The following TG variants were observed in gnomAD, a reference collection of about 807,000 sequenced individuals.
The protein encoded by TG is thyroglobulin, also known as thyroid hormones.
A neutral mutation model predicts 324.7 loss-of-function variants in TG; 270 were observed. The ratio of observed to expected loss-of-function variants is 0.83; its 90% confidence interval spans 0.75 to 0.92. TG has a LOEUF of 0.92. Among genes scored for constraint, TG ranks in the 40% least tolerant of loss-of-function variants. The pLI is 0.00. For synonymous variants in TG, 1,401 were observed against 1,327.0 expected (o/e 1.06, Z -1.21); for missense variants, 3,591 against 3,456.4 (o/e 1.04, Z -0.98).
rs575150194 is a variant in TG, at chr8:133,105,366, G to A, written c.7573-8056G>A. Among the ~76,000 whole-genome samples, 4 of 152,286 alleles carry A rather than the reference G, an allele frequency of 2.6e-5. No homozygotes were observed. The South Asian group carries it at 8.3e-4, about 32-fold the overall frequency. ...GGGTGGACCGGAGGTGGGGGCAGGTGTCACTCAGGATGAAGATCGTAGGCA... is the reference window on the plus strand; with the variant it reads ...GGGTGGACCGGAGGTGGGGGCAGGTATCACTCAGGATGAAGATCGTAGGCA... On this transcript the variant is annotated intron_variant, in intron 43 of 47. Coordinates refer to ENST00000220616, the MANE Select transcript of TG (RefSeq NM_003235.5).
intron 35 of TG, among the ~76,000 whole-genome samples, chr8:132,990,962 G>T (rs1349752499): frequency 6.6e-6 from 1 of 150,900 alleles, no homozygotes; most frequent in Non-Finnish European, 1.5e-5. Flanking sequence ...ACCAACAGGG[G>T]TGTTAGGAGG....
At chr8:133,131,462 TAGA>T (rs1399928400) in intron 45 of TG, among the ~76,000 whole-genome samples, 4 of 152,246 alleles carry the variant, frequency 2.6e-5, no homozygotes, top group African/African-American at 9.6e-5. Flanking sequence ...TTTCAGTGAC[TAGA>T]AGAACACCAA....
chr8:132,969,910 C>CAAAAAAAAAAA (rs11335158), intron 32 of TG, among the ~76,000 whole-genome samples: 2 of 58,048 alleles, frequency 3.4e-5, no homozygotes, highest in Non-Finnish European at 6.2e-5. Context: ...GAGACTCTGT[C>CAAAAAAAAAAA]AAAAAAAAAA....
chr8:133,011,855 C>A, intron 35 of TG, 46 bp from the exon 36 acceptor site: 1 of 1,613,768 alleles, frequency 6.2e-7, no homozygotes, highest in Non-Finnish European at 8.5e-7. Flanking sequence ...CTTTGTTACT[C>A]ACCAGGTGAC....
chr8:133,020,573 C>T (rs1835471053), intron 39 of TG, among the ~76,000 whole-genome samples: 1 of 152,130 alleles, frequency 6.6e-6, no homozygotes, highest in South Asian at 2.1e-4. Context: ...GAACTCAAGA[C>T]CACTCAGGCT....
At position 133,013,642 on chromosome 8, in the gene TG, C is replaced by G. The variant is rs1233716260; in HGVS notation, c.6440C>G (p.Thr2147Ser). The G allele has an allele frequency of 1.2e-6, 2 of 1,614,104 alleles. No individual in the cohort carries two copies. Among genetic ancestry groups the G allele is most frequent in the African/African-American group, 2.7e-5 (2 of 74,942 alleles). ...GCCTGTCTCATCACCACTCTGCAAA[C>G]CCAACCTGGGGCTGTGAGATGTATG... ...HEACLITTLQ[T>S]QPGAVRCMFY... Residue 2147 changes from threonine to serine, a missense_variant, in exon 37 of 48, where the codon ACC (threonine) becomes AGC (serine). By Grantham distance (58) the Thr-to-Ser change is moderately conservative. Transcript: ENST00000220616.
At position 132,919,457 on chromosome 8, in the gene TG, G is replaced by A; in HGVS notation, c.4460G>A (p.Ser1487Asn). ...PVGFYQEQAGSLACVPCPVGR... is the reference protein window; with the variant it reads ...PVGFYQEQAGNLACVPCPVGR... ...GGATTCTACCAAGAACAGGCAGGGA[G>A]CTTGGCCTGTGTCCCATGTCCTGTG... The change falls in exon 21 of 48, where the codon AGC (serine) becomes AAC (asparagine). Residue 1487 changes from serine (S) to asparagine (N), a missense_variant. Transcript: ENST00000220616. 1 of 1,614,156 alleles carries A rather than the reference G, an allele frequency of 6.2e-7. No homozygotes were observed. The highest frequency in any genetic ancestry group is 2.2e-5 in the East Asian group (1 of 44,892).
intron 23 of TG, among the ~76,000 whole-genome samples, chr8:132,930,661 G>A (rs1280970872): frequency 6.7e-6 from 1 of 150,036 alleles, no homozygotes; most frequent in Non-Finnish European, 1.5e-5. Flanking sequence ...CTCCAGCCTG[G>A]GCATCAAGAG....
chr8:132,901,055 G>C (rs916595372), intron 15 of TG, among the ~76,000 whole-genome samples: 9 of 152,166 alleles, frequency 5.9e-5, no homozygotes, highest in African/African-American at 1.9e-4. Context: ...CTCCTACACT[G>C]CACTATTGTT....
In TG at chr8:132,886,796, A is replaced by G. The variant is rs1815488220; in HGVS notation, c.1424A>G (p.Lys475Arg). 1 of 1,614,074 alleles carries G rather than the reference A, an allele frequency of 6.2e-7. No homozygotes were observed. Among genetic ancestry groups the G allele is most frequent in the Non-Finnish European group, 8.5e-7 (1 of 1,180,046 alleles). Residue 475 changes from lysine to arginine, a missense_variant, in exon 9 of 48, where the codon AAA becomes AGA. Coordinates refer to ENST00000220616, the MANE Select transcript of TG (RefSeq NM_003235.5). ...KRLQQNLFGG[K>R]FLVNVGQFNL... is the part of the protein sequence containing the mutation. ...CTCCAGCAAAACCTTTTTGGAGGGA[A>G]ATTTTTGGTGAATGTTGGCCAGTTT... is the stretch of plus-strand genomic sequence containing the variant.
chr8:132,904,697 C>T (rs919468210), intron 16 of TG, among the ~76,000 whole-genome samples: 4 of 151,994 alleles, frequency 2.6e-5, no homozygotes, highest in Admixed American at 6.5e-5. Flanking sequence ...CCTTTCTAGC[C>T]GAATCAGATC....
chr8:132,904,259 A>T (rs6984038), intron 16 of TG, among the ~76,000 whole-genome samples: 1 of 152,054 alleles, frequency 6.6e-6, no homozygotes, highest in African/African-American at 2.4e-5. Context: ...GTGCTCACAA[A>T]CTCTTGTAAG....
intron 43 of TG, among the ~76,000 whole-genome samples, chr8:133,105,511 G>A (rs1412040551): frequency 6.6e-6 from 1 of 152,172 alleles, no homozygotes; most frequent in Admixed American, 6.5e-5. Flanking sequence ...GAAATAGCAG[G>A]GGAAGAAGGT....
intron 39 of TG, among the ~76,000 whole-genome samples, chr8:133,021,555 T>G (rs893230635): frequency 1.3e-5 from 2 of 152,200 alleles, no homozygotes; most frequent in African/African-American, 4.8e-5. Flanking sequence ...GCTGTGTGGC[T>G]TAAACAACAG....
At chr8:132,908,114 G>T in intron 17 of TG, 72 bp from the exon 18 acceptor site, 1 of 1,578,998 alleles carries the variant, frequency 6.3e-7, no homozygotes. Flanking sequence ...TATTTTTGCA[G>T]AGGAAATCCC....
At chr8:132,947,571 A>G (rs908809437) in intron 26 of TG, among the ~76,000 whole-genome samples, 1 of 152,222 alleles carries the variant, frequency 6.6e-6, no homozygotes, top group African/African-American at 2.4e-5. Context: ...AACTAGATCC[A>G]GATTGGACAT....
In TG at chr8:132,974,493, G is replaced by C. The variant is rs548829518; in HGVS notation, c.6199+1752G>C. ...AGACTGCAGCGTAGAAAGTTGAATT[G>C]CTTGACCCAAACCACACGGCTGGTA... On this transcript the variant is annotated intron_variant, in intron 34 of 47. Coordinates refer to ENST00000220616, the MANE Select transcript of TG (RefSeq NM_003235.5). Among the ~76,000 whole-genome samples the C allele has an allele frequency of 1.6e-4, 25 of 152,228 alleles. No homozygotes were observed. In the South Asian group the frequency reaches 2.3e-3, roughly 14 times the overall value.
chr8:132,873,573 C>A (rs766914194), intron 5 of TG, among the ~76,000 whole-genome samples: 2 of 152,082 alleles, frequency 1.3e-5, no homozygotes, highest in Non-Finnish European at 2.9e-5. Flanking sequence ...GTGAATCTGC[C>A]ATAAATATTT....
At position 133,096,190 on chromosome 8, in the gene TG, G is replaced by A; in HGVS notation, c.7405-16G>A. 1 of 1,614,164 alleles carries A rather than the reference G, an allele frequency of 6.2e-7. No individual in the cohort carries two copies. Among genetic ancestry groups the A allele is most frequent in the Non-Finnish European group, 8.5e-7 (1 of 1,179,996 alleles). On this transcript the variant is annotated splice_polypyrimidine_tract_variant and intron_variant, in intron 42 of 47. Transcript: ENST00000220616. Reference sequence around the variant, plus strand: ...GATTATTCCAGGACAACTGATTATTGTTGCATCCAATGCAGCTCCTGGCCG... The same window carrying A: ...GATTATTCCAGGACAACTGATTATTATTGCATCCAATGCAGCTCCTGGCCG...
Sources: allele counts gnomAD v4.1 joint callset (sites outside exome capture counted in the v4.1 genomes callset), GRCh38; gene constraint gnomAD v4.1.1; transcripts MANE v1.5; gene names NCBI Gene and HGNC (gene_info 2026-07-23, HGNC 2026-07-21).